The following NATD1 variants were observed in gnomAD, a reference collection of about 807,000 sequenced individuals.
NATD1 encodes the protein N-acetyltransferase domain containing 1.
A neutral mutation model predicts 12.0 loss-of-function variants in NATD1; 9 were observed. The observed-to-expected ratio is 0.75, with a 90% CI of 0.45 to 1.30. The LOEUF (loss-of-function observed/expected upper bound fraction) is 1.30, where lower values mean the gene tolerates loss of function less well. Among genes scored for constraint, NATD1 ranks in the 50% most tolerant of loss-of-function variants. The pLI, the probability that NATD1 is intolerant of heterozygous loss-of-function variation, is 0.00. For synonymous variants in NATD1, 71 were observed against 65.9 expected, an observed-to-expected ratio of 1.08 and a Z score of -0.37; for missense variants, 148 against 148.5, an observed-to-expected ratio of 1.00 and a Z score of 0.02.
intron 1 of NATD1, among the ~76,000 whole-genome samples, chr17:21,248,359 C>T (rs1300258670): frequency 6.6e-6 from 1 of 152,202 alleles, no homozygotes; most frequent in Non-Finnish European, 1.5e-5. Flanking sequence ...CTTGGCTCCT[C>T]CTCACCTTTT....
In NATD1 at chr17:21,253,177, A is replaced by G; in HGVS notation, c.88T>C (p.Phe30Leu). The G allele has an allele frequency of 9.9e-7, 1 of 1,014,682 alleles. No homozygotes were observed. Among genetic ancestry groups the G allele is most frequent in the Non-Finnish European group, 1.2e-6 (1 of 850,538 alleles). The allele number at this position is 1,014,682 out of a possible 1,614,324, so 62.9% of individuals were successfully genotyped here. ...RVEHDRRRRQFTVRLNGCHDR... is the reference protein window; with the variant it reads ...RVEHDRRRRQLTVRLNGCHDR... ...GCCTTACCGTTGAGCCGGACAGTGA[A>G]CTGGCGGCGCCGGCGGTCGTGCTCC... is the stretch of plus-strand genomic sequence containing the variant. Residue 30 changes from phenylalanine (F) to leucine (L), a missense_variant, in exon 1 of 3, where the codon TTC becomes CTC. Transcript: ENST00000611551.
In NATD1 at chr17:21,244,172, C is replaced by G. The variant is rs1162537455; in HGVS notation, c.159G>C (p.Val53=). 6.8e-6 allele frequency: 11 copies of G among 1,613,134 alleles called. No homozygotes were observed. In the African/African-American group the frequency reaches 1.5e-4, roughly 22 times the overall value. Reference sequence around the variant, plus strand: ...CTGGGACCTCGGTGTGCTGCAGGTCCACGATCCGCTTGCCCACGTACTCAT... The same window carrying G: ...CTGGGACCTCGGTGTGCTGCAGGTCGACGATCCGCTTGCCCACGTACTCAT... ...LLYEYVGKRI[V]DLQHTEVPDA... Residue 53 remains valine, a synonymous_variant, in exon 2 of 3, where the codon GTG becomes GTC. Coordinates refer to ENST00000611551, the MANE Select transcript of NATD1 (RefSeq NM_152914.3). The surrounding 1 kb of genome is among the most constrained non-coding windows in gnomAD (Gnocchi z 5.2).
chr17:21,251,293 GAAAA>G (rs923554742), intron 1 of NATD1, among the ~76,000 whole-genome samples: 9 of 85,544 alleles, frequency 1.1e-4, no homozygotes, highest in Non-Finnish European at 1.7e-4. Context: ...GAAAGAAAAA[GAAAA>G]AAAAAAAAAA....
intron 1 of NATD1, among the ~76,000 whole-genome samples, chr17:21,247,550 A>G (rs1975336817): frequency 6.6e-6 from 1 of 152,214 alleles, no homozygotes; most frequent in South Asian, 2.1e-4. Context: ...GGAGGGAGGA[A>G]GGTGGTGGTG....
intron 1 of NATD1, among the ~76,000 whole-genome samples, chr17:21,246,431 T>C (rs751390028): frequency 1.3e-5 from 2 of 151,520 alleles, no homozygotes; most frequent in Non-Finnish European, 2.9e-5. Flanking sequence ...GGAGAATCAC[T>C]TGAACCCGGG....
chr17:21,244,031 C>T lies in NATD1; in HGVS notation c.225+75G>A. The T allele has an allele frequency of 1.5e-6, 2 of 1,361,108 alleles. No homozygotes were observed. Among genetic ancestry groups the T allele is most frequent in the South Asian group, 2.7e-5 (2 of 73,866 alleles). The allele number at this position is 1,361,108 out of a possible 1,614,324, so 84.3% of individuals were successfully genotyped here. On this transcript the variant is annotated intron_variant, in intron 2 of 2. Transcript: ENST00000611551. This position sits in a 1 kb window ranked among gnomAD's most constrained non-coding sequence, Gnocchi z 5.2. ...AGCAGGCTGAAGTGGCCACCAGGGC[C>T]ACCGTCTCCTCGGAGCGAAGGTGGC... is the stretch of plus-strand genomic sequence containing the variant.
In NATD1 at chr17:21,240,832, C is replaced by G. The variant is rs1975263589; in HGVS notation, c.*2481G>C. 6.5e-6 allele frequency: 1 copy of G among 152,800 alleles called. No homozygotes were observed. The highest frequency in any genetic ancestry group is 1.5e-5 in the Non-Finnish European group (1 of 68,192). 9.5% of individuals were successfully genotyped at this position (152,800 alleles called of 1,614,324 possible). On this transcript the variant is annotated 3_prime_UTR_variant, in exon 3 of 3. Coordinates refer to ENST00000611551, the MANE Select transcript of NATD1 (RefSeq NM_152914.3). ...AGCACCAGATGGGATGGGCTGGGGGCTCCAGGGCACGGTGTCTGTGGCAAC... is the reference window on the plus strand; with the variant it reads ...AGCACCAGATGGGATGGGCTGGGGGGTCCAGGGCACGGTGTCTGTGGCAAC...
intron 1 of NATD1, among the ~76,000 whole-genome samples, chr17:21,248,301 C>T (rs1249345284): frequency 6.6e-6 from 1 of 152,204 alleles, no homozygotes; most frequent in East Asian, 1.9e-4. Context: ...CCAAACCTGC[C>T]TGGACATCCC....
chr17:21,248,868 G>GC (rs1288742547), intron 1 of NATD1, among the ~76,000 whole-genome samples: 1 of 152,104 alleles, frequency 6.6e-6, no homozygotes, highest in African/African-American at 2.4e-5. Flanking sequence ...ACACCCCTCT[G>GC]CCCCAGAGAC....
chr17:21,253,350 G>T lies in NATD1; in HGVS notation c.-86C>A. 2 of 442,712 alleles carry T rather than the reference G, an allele frequency of 4.5e-6. No homozygotes were observed. Among genetic ancestry groups the T allele is most frequent in the Non-Finnish European group, 6.0e-6 (2 of 335,036 alleles). The allele number at this position is 442,712 out of a possible 1,614,324, so 27.4% of individuals were successfully genotyped here. The stretch of plus-strand genomic sequence containing the variant: ...CGCGCGGCGGGGCTGGAGCGCGGGC[G>T]CAGGCGGCAGGCGGTGGGGTAGTTA... On this transcript the variant is annotated 5_prime_UTR_variant, in exon 1 of 3. Transcript: ENST00000611551.
intron 1 of NATD1, among the ~76,000 whole-genome samples, chr17:21,245,273 T>C (rs572214523): frequency 3.3e-5 from 5 of 151,972 alleles, no homozygotes; most frequent in East Asian, 1.9e-4. Context: ...AGGGAGGTGA[T>C]AGGGCAGGTC....
In NATD1 at chr17:21,244,551, G is replaced by A. The variant is rs1975309148; in HGVS notation, c.107-327C>T. ...ACCCCTTTCTGTAGCCCTGCTCCCTGCATCCCCACCCCACCACATCCCTGG... is the reference window on the plus strand; with the variant it reads ...ACCCCTTTCTGTAGCCCTGCTCCCTACATCCCCACCCCACCACATCCCTGG... On this transcript the variant is annotated intron_variant, in intron 1 of 2. Coordinates refer to ENST00000611551, the MANE Select transcript of NATD1 (RefSeq NM_152914.3). The surrounding 1 kb of genome is among the most constrained non-coding windows in gnomAD (Gnocchi z 5.2). 6.6e-6 allele frequency among the ~76,000 whole-genome samples: 1 copy of A among 152,102 alleles called. No homozygotes were observed. Among genetic ancestry groups the A allele is most frequent in the Non-Finnish European group, 1.5e-5 (1 of 68,018 alleles).
At chr17:21,252,722 G>A (rs1975389234) in intron 1 of NATD1, among the ~76,000 whole-genome samples, 1 of 152,136 alleles carries the variant, frequency 6.6e-6, no homozygotes, top group African/African-American at 2.4e-5. Flanking sequence ...ACAGGTCACG[G>A]CTGACCAACT....
intron 1 of NATD1, among the ~76,000 whole-genome samples, chr17:21,247,882 G>A (rs1348891181): frequency 6.6e-6 from 1 of 152,228 alleles, no homozygotes; most frequent in Non-Finnish European, 1.5e-5. Context: ...GTGTCCTGCT[G>A]TCCCGTCATG....
In NATD1 at chr17:21,241,744, C is replaced by T. The variant is rs1247138621; in HGVS notation, c.*1569G>A. 1 of 152,144 alleles carries T rather than the reference C, an allele frequency of 6.6e-6. No homozygotes were observed. 9.4% of individuals were successfully genotyped at this position (152,144 alleles called of 1,614,324 possible). The stretch of plus-strand genomic sequence containing the variant: ...TCGAGGAGACTCCGGGGCTCGGGGA[C>T]CCCCATCGGCAGGCTGCCAGGCCTC... On this transcript the variant is annotated 3_prime_UTR_variant, in exon 3 of 3. Transcript: ENST00000611551.
chr17:21,251,902 C>G (rs528914056), intron 1 of NATD1, among the ~76,000 whole-genome samples: 2 of 152,348 alleles, frequency 1.3e-5, no homozygotes, highest in Non-Finnish European at 2.9e-5. Flanking sequence ...AAGGACCGGT[C>G]CAGCTTGGAC....
rs1049226176 is a variant in NATD1, at chr17:21,239,814, G to C, written c.*3499C>G. ...CAAAAAAAAGATTGCAACAGGCCTG[G>C]CAATTTATCTTTCATTCTGAGTAGC... On this transcript the variant is annotated 3_prime_UTR_variant, in exon 3 of 3. Transcript: ENST00000611551. 2.6e-5 allele frequency: 4 copies of C among 152,228 alleles called. No individual in the cohort carries two copies. Among genetic ancestry groups the C allele is most frequent in the South Asian group, 2.1e-4 (1 of 4,834 alleles). The allele number at this position is 152,228 out of a possible 1,614,324, so 9.4% of individuals were successfully genotyped here.
In NATD1 at chr17:21,253,210, T is replaced by C. The variant is rs1262199075; in HGVS notation, c.55A>G (p.Ile19Val). ...CGCCGGCGGTCGTGCTCCACGCGGA[T>C]GGGGCAGCCCTGCTCCAGCGCGCCC... ...PLGALEQGCP[I>V]RVEHDRRRRQ... The change falls in exon 1 of 3, where the codon ATC (isoleucine) becomes GTC (valine). Residue 19 changes from isoleucine (I) to valine (V), a missense_variant. Physicochemically the swap from Ile to Val is conservative, Grantham distance 29 (BLOSUM62 3). Transcript: ENST00000611551. The C allele has an allele frequency of 9.9e-7, 1 of 1,005,746 alleles. No homozygotes were observed. Among genetic ancestry groups the C allele is most frequent in the Non-Finnish European group, 1.2e-6 (1 of 845,394 alleles). 62.3% of individuals were successfully genotyped at this position (1,005,746 alleles called of 1,614,324 possible). A position where few individuals can be genotyped will look rare whatever the true frequency, so the allele number is the denominator to read the frequency against.
intron 1 of NATD1, among the ~76,000 whole-genome samples, chr17:21,247,190 C>T (rs1975332935): frequency 6.6e-6 from 1 of 152,236 alleles, no homozygotes; most frequent in African/African-American, 2.4e-5. Flanking sequence ...TCAGTGATCG[C>T]ACAGCTCAGC....
Sources: gnomAD v4.1 joint callset for allele counts (sites outside exome capture counted in the v4.1 genomes callset) on GRCh38, gnomAD v4.1.1 for gene constraint, Gnocchi (gnomAD v3.1) non-coding constraint, MANE v1.5 for transcripts, NCBI Gene and HGNC (gene_info 2026-07-23, HGNC 2026-07-21) for gene names.